Variants in LANCL3 observed in about 807,000 individuals in gnomAD.
LANCL3 encodes LanC like family member 3.
Under a neutral mutation model 26.5 loss-of-function variants are expected in LANCL3, and 19 were observed. The observed-to-expected ratio is 0.72, with a 90% CI of 0.50 to 1.05. The LOEUF (loss-of-function observed/expected upper bound fraction) is 1.05. Ranked by LOEUF, LANCL3 falls within the 50% of genes least tolerant of loss-of-function variation. The pLI is 0.00. For synonymous variants in LANCL3, 160 were observed against 166.6 expected (o/e 0.96, Z 0.30); for missense variants, 318 against 362.7 (o/e 0.88, Z 1.00).
At chrX:37,595,145 C>T (rs782331352) in intron 1 of LANCL3, among the ~76,000 whole-genome samples, 24 of 111,602 alleles carry the variant, frequency 2.2e-4, no homozygotes, top group African/African-American at 7.5e-4. Context: ...TCCTAGGGAG[C>T]CTTCAGCTGA....
At chrX:37,588,726 C>T (rs1325982250) in intron 1 of LANCL3, among the ~76,000 whole-genome samples, 2 of 112,043 alleles carry the variant, frequency 1.8e-5, no homozygotes, top group African/African-American at 3.2e-5. Context: ...TGACTTTGGC[C>T]TGTTAAAGTG....
At chrX:37,654,719 C>T (rs1204769171) in intron 1 of LANCL3, among the ~76,000 whole-genome samples, 2 of 111,952 alleles carry the variant, frequency 1.8e-5, no homozygotes, top group East Asian at 2.8e-4. Context: ...TTTACTCACT[C>T]ATCGGTTGTG....
intron 1 of LANCL3, among the ~76,000 whole-genome samples, chrX:37,634,639 T>C (rs1255262575): frequency 8.9e-6 from 1 of 112,719 alleles, no homozygotes; most frequent in Non-Finnish European, 1.9e-5. Context: ...GAAAATAAAA[T>C]AGCTGTAAGA....
chrX:37,597,427 G>T (rs1198875296), intron 1 of LANCL3, among the ~76,000 whole-genome samples: 2 of 111,695 alleles, frequency 1.8e-5, no homozygotes, highest in African/African-American at 6.5e-5. Context: ...TTCAAAAACT[G>T]TTAGAGTGTT....
intron 1 of LANCL3, among the ~76,000 whole-genome samples, chrX:37,573,332 C>T (rs1303865028): frequency 8.9e-6 from 1 of 112,122 alleles, no homozygotes; most frequent in African/African-American, 3.3e-5. Context: ...TCATAATCCC[C>T]TGGAGCCAAC....
chrX:37,617,121 T>TG (rs1239809647), intron 1 of LANCL3, among the ~76,000 whole-genome samples: 2 of 18,439 alleles, frequency 1.1e-4, no homozygotes, highest in Non-Finnish European at 2.0e-4. Context: ...GAAAAGTGGG[T>TG]GGGGGGGAGG....
intron 1 of LANCL3, among the ~76,000 whole-genome samples, chrX:37,596,046 G>A (rs781874267): frequency 1.5e-4 from 17 of 112,031 alleles, no homozygotes; most frequent in Non-Finnish European, 3.0e-4. Flanking sequence ...TTTTACCACA[G>A]CTAAGAAATG....
At chrX:37,588,270 T>C (rs1464957671) in intron 1 of LANCL3, among the ~76,000 whole-genome samples, 1 of 111,692 alleles carries the variant, frequency 9.0e-6, no homozygotes, top group African/African-American at 3.3e-5. Context: ...GGCGGTCCTG[T>C]AGTGTCCCCA....
rs1166169014 is a variant in LANCL3, at chrX:37,683,922, ATTG to A, written c.*8110_*8112del. The A allele has an allele frequency of 8.9e-6, 1 of 112,051 alleles. No homozygotes were observed. Among genetic ancestry groups the A allele is most frequent in the African/African-American group, 3.2e-5 (1 of 30,874 alleles). The allele number at this position is 112,051 out of a possible 1,213,427, so 9.2% of individuals were successfully genotyped here. A position where few individuals can be genotyped will look rare whatever the true frequency, so the allele number is the denominator to read the frequency against. ...TGACATTAATCTTTAGTCAAAACCC[ATTG>A]AGGTGTCTGACAGGGAAATTAGCAA... On this transcript the variant is annotated 3_prime_UTR_variant, in exon 5 of 5. Transcript: ENST00000378619.
rs782407291 is a variant in LANCL3 at position 37,658,445 on chromosome X, C to T, written c.698-1017C>T. On this transcript the variant is annotated intron_variant, in intron 2 of 4. Transcript: ENST00000378619. ...GTCAGGCAGGACAAACTAATTATTT[C>T]TTACTCAGACTCTTTATTCTATTCA... 6.1e-4 allele frequency among the ~76,000 whole-genome samples: 68 copies of T among 112,194 alleles called. 1 individual carries two copies. The highest frequency in any genetic ancestry group is 2.7e-3 in the Admixed American group (29 of 10,630).
intron 1 of LANCL3, among the ~76,000 whole-genome samples, chrX:37,596,636 G>C (rs1460258120): frequency 8.9e-6 from 1 of 111,767 alleles, no homozygotes; most frequent in African/African-American, 3.2e-5. Flanking sequence ...TTGATTGCCA[G>C]GAATTCCTTT....
chrX:37,622,089 T>C (rs1925179507), intron 1 of LANCL3, among the ~76,000 whole-genome samples: 2 of 111,498 alleles, frequency 1.8e-5, no homozygotes, highest in Non-Finnish European at 3.8e-5. Flanking sequence ...TCCCCTGAGA[T>C]TGTTCCCTTC....
intron 1 of LANCL3, among the ~76,000 whole-genome samples, chrX:37,606,512 T>C (rs781880914): frequency 4.5e-5 from 5 of 112,245 alleles, no homozygotes; most frequent in Admixed American, 9.4e-5. Flanking sequence ...ATATCAGCTC[T>C]TTGAGGACAG....
At chrX:37,623,065 GT>G (rs1556422542) in intron 1 of LANCL3, among the ~76,000 whole-genome samples, 1 of 111,935 alleles carries the variant, frequency 8.9e-6, no homozygotes, top group Non-Finnish European at 1.9e-5. Context: ...TTTTGTTGTT[GT>G]TTGTTTTTTG....
chrX:37,666,921 G>A (rs782344852), intron 3 of LANCL3, among the ~76,000 whole-genome samples: 11 of 112,193 alleles, frequency 9.8e-5, no homozygotes, highest in South Asian at 7.4e-4. Context: ...TAGAGTATGC[G>A]TCATTAAATA....
At chrX:37,630,764 C>T (rs1399158116) in intron 1 of LANCL3, among the ~76,000 whole-genome samples, 13 of 105,042 alleles carry the variant, frequency 1.2e-4, no homozygotes, top group East Asian at 5.7e-4. Context: ...TATTGATTTG[C>T]GTATATTGAA....
chrX:37,592,183 T>G (rs782491054), intron 1 of LANCL3, among the ~76,000 whole-genome samples: 1 of 111,748 alleles, frequency 8.9e-6, no homozygotes, highest in Non-Finnish European at 1.9e-5. Flanking sequence ...AGCAGTAGGT[T>G]GAAGGACGAT....
At chrX:37,666,147 G>T (rs1302555815) in intron 3 of LANCL3, among the ~76,000 whole-genome samples, 5 of 111,747 alleles carry the variant, frequency 4.5e-5, no homozygotes, top group Non-Finnish European at 7.5e-5. Context: ...AATATAAAAA[G>T]AATATGTATG....
intron 1 of LANCL3, among the ~76,000 whole-genome samples, chrX:37,592,265 T>C (rs1399622007): frequency 1.5e-4 from 17 of 112,295 alleles, no homozygotes; most frequent in South Asian, 3.7e-4. Flanking sequence ...TTCATCCCAG[T>C]GTAAATGCAG....
Sources: gnomAD v4.1 joint callset for allele counts (sites outside exome capture counted in the v4.1 genomes callset) on GRCh38, gnomAD v4.1.1 for gene constraint, MANE v1.5 for transcripts, NCBI Gene and HGNC (gene_info 2026-07-23, HGNC 2026-07-21) for gene names.